The following PDE11A variants were observed in gnomAD, a reference collection of about 807,000 sequenced individuals.
The protein encoded by PDE11A is phosphodiesterase 11A.
A neutral mutation model predicts 100.5 loss-of-function variants in PDE11A; 100 were observed. The observed-to-expected ratio is 1.00, with a 90% CI of 0.85 to 1.18. PDE11A has a LOEUF of 1.18. Ranked by LOEUF, PDE11A falls within the 50% of genes most tolerant of loss-of-function variation. The pLI is 0.00. For missense variants in PDE11A, 1,141 were observed against 1,152.6 expected (o/e 0.99, Z 0.15); for synonymous variants, 381 against 420.8 (o/e 0.91, Z 1.16).
intron 1 of PDE11A, among the ~76,000 whole-genome samples, chr2:178,022,479 C>A (rs533025264): frequency 6.1e-5 from 1 of 16,524 alleles, no homozygotes; most frequent in African/African-American, 7.4e-5. Context: ...CAGACATAGA[C>A]GATTTTTTTT....
At chr2:177,769,503 A>C in intron 9 of PDE11A, 130 bp from the exon 10 acceptor site, 1 of 653,658 alleles carries the variant, frequency 1.5e-6, no homozygotes, top group African/African-American at 1.8e-5. Context: ...AATGTATGAC[A>C]AGAAACAACA....
At chr2:177,632,245 A>G (rs2079962812) in intron 19 of PDE11A, among the ~76,000 whole-genome samples, 2 of 152,242 alleles carry the variant, frequency 1.3e-5, no homozygotes, top group Admixed American at 1.3e-4. Flanking sequence ...TTGTCAATGC[A>G]CAATTCCAAC....
At chr2:177,681,609 A>G (rs757499052) in intron 15 of PDE11A, among the ~76,000 whole-genome samples, 1 of 152,222 alleles carries the variant, frequency 6.6e-6, no homozygotes, top group Non-Finnish European at 1.5e-5. Flanking sequence ...AGTGCTTGAC[A>G]CTATAAACCA....
chr2:177,710,303 G>A (rs1475363001), intron 13 of PDE11A, among the ~76,000 whole-genome samples: 1 of 151,876 alleles, frequency 6.6e-6, no homozygotes, highest in African/African-American at 2.4e-5. Context: ...GAGAATTCTC[G>A]ATTGATGGCC....
In PDE11A at chr2:177,691,996, T is replaced by C. The variant is rs145253380; in HGVS notation, c.2345+5336A>G. The stretch of plus-strand genomic sequence containing the variant: ...TAACTGCTGCTAATTGGACTGTATA[T>C]TTAAGGCAACTTGAATCCATGCTCC... On this transcript the variant is annotated intron_variant, in intron 15 of 19. Coordinates refer to ENST00000286063, the MANE Select transcript of PDE11A (RefSeq NM_016953.4). Among the ~76,000 whole-genome samples the C allele has an allele frequency of 1.5e-3, 230 of 152,322 alleles. 1 individual carries two copies. The highest frequency in any genetic ancestry group is 5.0e-3 in the African/African-American group (206 of 41,582).
chr2:178,064,800 A>G (rs1203694077), intron 1 of PDE11A, among the ~76,000 whole-genome samples: 1 of 152,146 alleles, frequency 6.6e-6, no homozygotes, highest in Non-Finnish European at 1.5e-5. Context: ...CTCTAAAAAA[A>G]AGAAAAAAAT....
chr2:178,098,641 C>T (rs1204607074), intron 2 of PDE11A, among the ~76,000 whole-genome samples: 1 of 151,794 alleles, frequency 6.6e-6, no homozygotes, highest in Non-Finnish European at 1.5e-5. Context: ...AATAATATTG[C>T]CAAATAAATT....
chr2:177,623,859 A>G lies in PDE11A; in HGVS notation c.*5548T>C, dbSNP rs1030545116. ...GGTACCAAACATGCAAGAACATTCA[A>G]AATTAAATTTAAAAAAGTACAACCC... is the stretch of plus-strand genomic sequence containing the variant. On this transcript the variant is annotated 3_prime_UTR_variant, in exon 20 of 20. Coordinates refer to ENST00000286063, the MANE Select transcript of PDE11A (RefSeq NM_016953.4). 1.3e-5 allele frequency: 2 copies of G among 152,236 alleles called. No homozygotes were observed. The highest frequency in any genetic ancestry group is 4.8e-5 in the African/African-American group (2 of 41,454). 9.4% of individuals were successfully genotyped at this position (152,236 alleles called of 1,614,324 possible).
chr2:177,796,589 G>A (rs1249203221), intron 9 of PDE11A, among the ~76,000 whole-genome samples: 1 of 152,104 alleles, frequency 6.6e-6, no homozygotes, highest in Admixed American at 6.5e-5. Context: ...CGGTTTGTAG[G>A]CTTAGTTCCT....
At chr2:177,969,143 T>C (rs1288050843) in intron 2 of PDE11A, among the ~76,000 whole-genome samples, 4 of 152,142 alleles carry the variant, frequency 2.6e-5, no homozygotes, top group African/African-American at 9.7e-5. Flanking sequence ...CTGGAAGCCA[T>C]CATTCTCAGC....
intron 2 of PDE11A, among the ~76,000 whole-genome samples, chr2:177,944,116 T>C (rs1473073436): frequency 6.6e-6 from 1 of 152,202 alleles, no homozygotes; most frequent in Non-Finnish European, 1.5e-5. Context: ...CTGAGGTTAT[T>C]TGCATGATTT....
chr2:177,990,986 T>A (rs1267495895), intron 2 of PDE11A, among the ~76,000 whole-genome samples: 1 of 150,492 alleles, frequency 6.6e-6, no homozygotes, highest in South Asian at 2.1e-4. Context: ...AGAGTGAGAC[T>A]CCATCTTAAA....
intron 2 of PDE11A, among the ~76,000 whole-genome samples, chr2:177,912,379 G>A (rs2084893299): frequency 6.6e-6 from 1 of 152,170 alleles, no homozygotes; most frequent in Non-Finnish European, 1.5e-5. Context: ...AGGCTATCCA[G>A]GGGCAGAGAT....
chr2:177,813,787 T>G (rs1424995018), intron 9 of PDE11A, among the ~76,000 whole-genome samples: 1 of 151,526 alleles, frequency 6.6e-6, no homozygotes, highest in Non-Finnish European at 1.5e-5. Context: ...TTTTTGTCAC[T>G]GGGTGCTGTG....
At chr2:178,018,385 T>TTAACTTGGCACACTTGACTC in intron 1 of PDE11A, 1 of 495,454 alleles carries the variant, frequency 2.0e-6, no homozygotes, top group Admixed American at 2.1e-5. Flanking sequence ...ACACTTGACT[T>TTAACTTGGCACACTTGACTC]TAACCTTTGC....
intron 2 of PDE11A, among the ~76,000 whole-genome samples, chr2:178,095,560 G>A (rs2087478345): frequency 6.6e-6 from 1 of 152,186 alleles, no homozygotes; most frequent in Non-Finnish European, 1.5e-5. Context: ...CTACCATTCT[G>A]GGGTCTGGAG....
chr2:177,763,814 G>A (rs1052032500), intron 10 of PDE11A, among the ~76,000 whole-genome samples: 11 of 152,184 alleles, frequency 7.2e-5, no homozygotes, highest in African/African-American at 2.7e-4. Flanking sequence ...CAGGGCGGTG[G>A]CTAGCGCGTG....
Position 177,824,236 on chromosome 2 carries a change from A to G in PDE11A, c.1501-3941T>C, listed in dbSNP as rs191949043. 2.3e-3 allele frequency among the ~76,000 whole-genome samples: 352 copies of G among 152,246 alleles called. 1 individual carries two copies. The highest frequency in any genetic ancestry group is 0.01 in the Middle Eastern group (3 of 294). ...AGGAAATTTGAGGGAAATGATACGA[A>G]CTCCAAATGGACACACATTACAAGT... On this transcript the variant is annotated intron_variant, in intron 6 of 19. Transcript: ENST00000286063.
intron 5 of PDE11A, among the ~76,000 whole-genome samples, chr2:177,854,771 C>G (rs1351568269): frequency 6.6e-6 from 1 of 152,126 alleles, no homozygotes; most frequent in African/African-American, 2.4e-5. Context: ...CTTCTGGCAC[C>G]AGTCTTGTCT....
Sources: gnomAD v4.1 joint callset for allele counts (sites outside exome capture counted in the v4.1 genomes callset) on GRCh38, gnomAD v4.1.1 for gene constraint, MANE v1.5 for transcripts, NCBI Gene and HGNC (gene_info 2026-07-23, HGNC 2026-07-21) for gene names.